TAFA2: variants seen among roughly 807,000 people sequenced by gnomAD.
TAFA2 encodes chemokine-like protein TAFA-2.
In TAFA2, 7 loss-of-function variants were observed where a neutral mutation model predicts 18.8. That is an observed-to-expected ratio of 0.37 (90% CI 0.21 to 0.70). The LOEUF (loss-of-function observed/expected upper bound fraction) is 0.70. TAFA2 is among the 30% of genes least tolerant of loss of function. TAFA2 has a pLI of 0.53. For synonymous variants in TAFA2, 60 were observed against 54.2 expected (o/e 1.11, Z -0.47); for missense variants, 122 against 158.1 (o/e 0.77, Z 1.23).
At chr12:61,849,284 G>C (rs1207037174) in intron 2 of TAFA2, among the ~76,000 whole-genome samples, 1 of 152,138 alleles carries the variant, frequency 6.6e-6, no homozygotes, top group Non-Finnish European at 1.5e-5. Context: ...TCACCCAAGT[G>C]CATTCAGCTC....
intron 1 of TAFA2, among the ~76,000 whole-genome samples, chr12:62,025,289 A>T (rs1044132871): frequency 6.6e-6 from 1 of 152,106 alleles, no homozygotes; most frequent in Non-Finnish European, 1.5e-5. Flanking sequence ...GGGCTGAAAA[A>T]CTAACTATTG....
At chr12:61,743,696 C>A (rs1480586213) in intron 4 of TAFA2, among the ~76,000 whole-genome samples, 1 of 152,040 alleles carries the variant, frequency 6.6e-6, no homozygotes, top group Non-Finnish European at 1.5e-5. Flanking sequence ...AGCTAGAAAT[C>A]CTGAACTTGT....
intron 1 of TAFA2, among the ~76,000 whole-genome samples, chr12:62,219,150 C>T (rs1415587569): frequency 1.3e-5 from 2 of 150,840 alleles, no homozygotes; most frequent in Non-Finnish European, 3.0e-5. Context: ...TATATCTCTG[C>T]AAATTGATGA....
chr12:61,848,711 A>G (rs898324487), intron 2 of TAFA2, among the ~76,000 whole-genome samples: 1 of 136,290 alleles, frequency 7.3e-6, no homozygotes, highest in Non-Finnish European at 1.6e-5. Context: ...CAAATAAAAC[A>G]TGGCCAGCAA....
chr12:62,024,821 A>G (rs1427766479), intron 1 of TAFA2, among the ~76,000 whole-genome samples: 1 of 152,176 alleles, frequency 6.6e-6, no homozygotes, highest in African/African-American at 2.4e-5. Flanking sequence ...ACACTTCTCA[A>G]AAGAAGACAT....
intron 1 of TAFA2, among the ~76,000 whole-genome samples, chr12:62,202,928 G>T (rs2062677867): frequency 7.1e-6 from 1 of 140,992 alleles, no homozygotes. Context: ...CCTGGCTCAA[G>T]TAATTCTCAT....
chr12:62,078,844 A>C (rs1449157482), intron 1 of TAFA2, among the ~76,000 whole-genome samples: 2 of 152,070 alleles, frequency 1.3e-5, no homozygotes, highest in Non-Finnish European at 1.5e-5. Context: ...CTACAGTGAC[A>C]CTCTGGGTAC....
At chr12:62,235,434 C>A in intron 1 of TAFA2, 1 of 642,140 alleles carries the variant, frequency 1.6e-6, no homozygotes, top group Non-Finnish European at 2.8e-6. Flanking sequence ...TTCTACTTAT[C>A]CTGGGCAGCC....
chr12:62,182,626 A>G (rs1333256702), intron 1 of TAFA2, among the ~76,000 whole-genome samples: 1 of 152,186 alleles, frequency 6.6e-6, no homozygotes, highest in Non-Finnish European at 1.5e-5. Context: ...AGGCACTGTT[A>G]TGAGGAATAA....
chr12:61,945,636 A>G (rs1878234917), intron 1 of TAFA2, among the ~76,000 whole-genome samples: 1 of 126,750 alleles, frequency 7.9e-6, no homozygotes, highest in Non-Finnish European at 1.6e-5. Context: ...ATGTACAAAA[A>G]TCACAAGCAT....
chr12:62,069,776 C>T (rs1365513452), intron 1 of TAFA2, among the ~76,000 whole-genome samples: 1 of 152,166 alleles, frequency 6.6e-6, no homozygotes, highest in African/African-American at 2.4e-5. Flanking sequence ...ACAATAGTGA[C>T]CAAGCACACT....
rs113228559 is a variant in TAFA2, at chr12:61,884,706, G to T, written c.-1-17280C>A. On this transcript the variant is annotated intron_variant, in intron 1 of 4. Coordinates refer to ENST00000416284, the MANE Select transcript of TAFA2 (RefSeq NM_178539.5). The stretch of plus-strand genomic sequence containing the variant: ...TCCATATAAATACAAAAGAAAGCAT[G>T]ACAAAAATATGTTCTCTAGGCTACC... Among the ~76,000 whole-genome samples the T allele has an allele frequency of 7.7e-3, 1,170 of 152,156 alleles. 13 individuals are homozygous for T. The highest frequency in any genetic ancestry group is 0.027 in the African/African-American group (1,111 of 41,528).
At chr12:61,883,714 C>T (rs1268735045) in intron 1 of TAFA2, among the ~76,000 whole-genome samples, 1 of 152,108 alleles carries the variant, frequency 6.6e-6, no homozygotes, top group Non-Finnish European at 1.5e-5. Context: ...AGCACCAGAC[C>T]AGTAGTCAAA....
chr12:61,889,119 T>C (rs1192159986), intron 1 of TAFA2, among the ~76,000 whole-genome samples: 2 of 152,140 alleles, frequency 1.3e-5, no homozygotes, highest in East Asian at 1.9e-4. Context: ...CTCTACCCAA[T>C]AGAAGTAACA....
chr12:62,235,732 GT>G (rs1354778558), intron 1 of TAFA2, among the ~76,000 whole-genome samples: 4 of 151,924 alleles, frequency 2.6e-5, no homozygotes, highest in Non-Finnish European at 5.9e-5. Context: ...TCTATTTTAG[GT>G]TTTTGGAGGA....
intron 2 of TAFA2, among the ~76,000 whole-genome samples, chr12:61,758,171 G>A (rs922123081): frequency 2.0e-5 from 3 of 151,956 alleles, no homozygotes; most frequent in African/African-American, 7.2e-5. Context: ...AAGCATTATT[G>A]AAGTAAGTTT....
rs914312307 is a variant in TAFA2 at position 62,126,103 on chromosome 12, T to G, written c.-2+65156A>C. ...ATGGATTATTCGCTATAAAATAATT[T>G]GAAATATAGCTCCCCATATTCTCCA... On this transcript the variant is annotated intron_variant, in intron 1 of 4. Transcript: ENST00000416284. 2.0e-5 allele frequency among the ~76,000 whole-genome samples: 3 copies of G among 152,142 alleles called. No homozygotes were observed. In the East Asian group the frequency reaches 5.8e-4, roughly 29 times the overall value.
intron 1 of TAFA2, among the ~76,000 whole-genome samples, chr12:62,123,781 TACACAC>T (rs71083977): frequency 7.5e-5 from 10 of 132,922 alleles, no homozygotes; most frequent in African/African-American, 2.1e-4. Flanking sequence ...ACCACACACA[TACACAC>T]ACACACACAC....
intron 2 of TAFA2, among the ~76,000 whole-genome samples, chr12:61,763,199 G>A (rs1479133931): frequency 6.6e-6 from 1 of 151,992 alleles, no homozygotes; most frequent in Non-Finnish European, 1.5e-5. Context: ...AAACAACCAA[G>A]TGCCGATGAC....
Sources: gnomAD v4.1 joint callset for allele counts (sites outside exome capture counted in the v4.1 genomes callset) on GRCh38, gnomAD v4.1.1 for gene constraint, MANE v1.5 for transcripts, NCBI Gene and HGNC (gene_info 2026-07-23, HGNC 2026-07-21) for gene names.